Variants in PRRX1 observed in about 807,000 individuals in gnomAD.
PRRX1 encodes paired related homeobox 1.
Under a neutral mutation model 24.0 loss-of-function variants are expected in PRRX1, and 8 were observed. That is an observed-to-expected ratio of 0.33 (90% CI 0.20 to 0.60). The LOEUF is 0.60. Among genes scored for constraint, PRRX1 ranks in the 20% least tolerant of loss-of-function variants. The pLI, the probability that PRRX1 is intolerant of heterozygous loss-of-function variation, is 0.82. For synonymous variants in PRRX1, 160 were observed against 131.7 expected (o/e 1.22, Z -1.47); for missense variants, 281 against 322.4 (o/e 0.87, Z 0.98).
At chr1:170,720,693 T>C (rs1222214949) in intron 2 of PRRX1, among the ~76,000 whole-genome samples, 1 of 152,194 alleles carries the variant, frequency 6.6e-6, no homozygotes, top group Non-Finnish European at 1.5e-5. Context: ...AAATGAATAC[T>C]TATGAACTGA....
intron 1 of PRRX1, among the ~76,000 whole-genome samples, chr1:170,709,614 G>T (rs1218110588): frequency 6.6e-6 from 1 of 151,998 alleles, no homozygotes; most frequent in African/African-American, 2.4e-5. Context: ...CTTGTCAAGT[G>T]CTTTTGACTT....
chr1:170,708,553 A>G (rs1214757998), intron 1 of PRRX1, among the ~76,000 whole-genome samples: 1 of 152,162 alleles, frequency 6.6e-6, no homozygotes, highest in East Asian at 1.9e-4. Flanking sequence ...AGAAAATACA[A>G]CCTCAAGCTA....
intron 2 of PRRX1, among the ~76,000 whole-genome samples, chr1:170,723,478 C>T (rs1327365480): frequency 6.7e-6 from 1 of 149,866 alleles, no homozygotes; most frequent in African/African-American, 2.5e-5. Flanking sequence ...CTCTTTCCAG[C>T]ATTTAGTACT....
intron 3 of PRRX1, 27 bp downstream of exon 3, chr1:170,726,428 C>G: frequency 6.2e-7 from 1 of 1,606,832 alleles, no homozygotes; most frequent in Non-Finnish European, 8.5e-7. Flanking sequence ...CTCTCCCTTG[C>G]TCCACTTCCA....
At chr1:170,734,415 G>A (rs535961452) in intron 3 of PRRX1, among the ~76,000 whole-genome samples, 1 of 152,160 alleles carries the variant, frequency 6.6e-6, no homozygotes, top group African/African-American at 2.4e-5. Flanking sequence ...CAGATGTGGT[G>A]TCTGATCTAT....
intron 1 of PRRX1, among the ~76,000 whole-genome samples, chr1:170,709,815 G>T (rs1571337915): frequency 6.6e-6 from 1 of 152,262 alleles, no homozygotes; most frequent in Admixed American, 6.5e-5. Context: ...CATCCATTTT[G>T]GGATTACCCT....
chr1:170,705,935 T>TACACACACACACACACACACACACACAC (rs71125270), intron 1 of PRRX1, among the ~76,000 whole-genome samples: 3 of 146,422 alleles, frequency 2.0e-5, no homozygotes, highest in South Asian at 4.4e-4. Context: ...CACACACACA[T>TACACACACACACACACACACACACACAC]ACACACACAC....
intron 3 of PRRX1, among the ~76,000 whole-genome samples, chr1:170,735,421 GT>G (rs1343830608): frequency 6.6e-6 from 1 of 152,186 alleles, no homozygotes; most frequent in Non-Finnish European, 1.5e-5. Flanking sequence ...TCTTGAGGAG[GT>G]TTTAAAATCA....
At chr1:170,715,060 T>A (rs972546991) in intron 1 of PRRX1, among the ~76,000 whole-genome samples, 3 of 152,182 alleles carry the variant, frequency 2.0e-5, no homozygotes, top group Admixed American at 6.5e-5. Flanking sequence ...AATGAAAGAA[T>A]AATTCCTACA....
At chr1:170,721,538 A>G (rs1026289926) in intron 2 of PRRX1, among the ~76,000 whole-genome samples, 1 of 152,158 alleles carries the variant, frequency 6.6e-6, no homozygotes, top group Non-Finnish European at 1.5e-5. Flanking sequence ...ACGGGGAAAC[A>G]GGGACCTCAC....
chr1:170,716,938 A>C (rs1034092310), intron 1 of PRRX1, among the ~76,000 whole-genome samples: 1 of 152,102 alleles, frequency 6.6e-6, no homozygotes, highest in African/African-American at 2.4e-5. Context: ...CCTGTTCTGC[A>C]TTCTTGGGGA....
At chr1:170,715,814 T>G (rs949764733) in intron 1 of PRRX1, among the ~76,000 whole-genome samples, 13 of 152,238 alleles carry the variant, frequency 8.5e-5, no homozygotes, top group African/African-American at 3.1e-4. Context: ...TCATCGACCC[T>G]CTTTCTCAGA....
At chr1:170,664,577 T>C (rs941362977) in intron 1 of PRRX1, 118 bp downstream of exon 1, 35 of 1,421,848 alleles carry the variant, frequency 2.5e-5, no homozygotes, top group Admixed American at 2.6e-5. Context: ...CCAGGAGAGG[T>C]GATGGCAGAC....
Position 170,664,455 on chromosome 1 carries a change from G to C in PRRX1, c.237G>C (p.Gln79His), listed in dbSNP as rs200693185. ...GLTSGSDTPQ[Q>H]DNDQLNSEEK... is the part of the protein sequence containing the mutation. ...CCAGCGGCAGCGACACCCCGCAGCA[G>C]GACAGTGAGTGAGGGGCGCATGCCC... is the stretch of plus-strand genomic sequence containing the variant. Residue 79 changes from glutamine (Q) to histidine (H), a missense_variant, in exon 1 of 4, where the codon CAG becomes CAC. Coordinates refer to ENST00000239461, the MANE Select transcript of PRRX1 (RefSeq NM_022716.4). The C allele has an allele frequency of 6.2e-7, 1 of 1,600,940 alleles. No individual in the cohort carries two copies. Among genetic ancestry groups the C allele is most frequent in the Admixed American group, 1.7e-5 (1 of 57,906 alleles).
chr1:170,697,692 ATACAAATATC>A (rs1654215648), intron 1 of PRRX1, among the ~76,000 whole-genome samples: 1 of 148,030 alleles, frequency 6.8e-6, no homozygotes. Context: ...ATATATACAT[ATACAAATATC>A]TATACACATA....
upstream of PRRX1, chr1:170,664,094 T>TCTCTCTCTCTCC (rs1652823175): frequency 9.3e-6 from 9 of 966,194 alleles, 1 homozygote; most frequent in South Asian, 7.3e-5. Flanking sequence ...CCTCCCTCTC[T>TCTCTCTCTCTCC]CTCTCTCTCT....
chr1:170,671,453 C>A, intron 1 of PRRX1, among the ~76,000 whole-genome samples: 1 of 152,368 alleles, frequency 6.6e-6, no homozygotes, highest in East Asian at 1.9e-4. Context: ...GTAGCGACGC[C>A]AGGCGCTGCT....
At chr1:170,729,358 A>T (rs867863485) in intron 3 of PRRX1, among the ~76,000 whole-genome samples, 85 of 152,292 alleles carry the variant, frequency 5.6e-4, no homozygotes, top group African/African-American at 2.0e-3. Flanking sequence ...CAAGCCAGAG[A>T]CAGTGAGCGA....
Position 170,738,747 on chromosome 1 carries a change from A to G in PRRX1, c.*2561A>G. On this transcript the variant is annotated 3_prime_UTR_variant, in exon 4 of 4. Coordinates refer to ENST00000239461, the MANE Select transcript of PRRX1 (RefSeq NM_022716.4). ...TTAGATAGAGGGACATGTGAAACAA[A>G]ATCATTTGAAATTTTGATTCAGACA... The G allele has an allele frequency of 4.4e-6, 1 of 227,768 alleles. No homozygotes were observed. The highest frequency in any genetic ancestry group is 8.7e-6 in the Non-Finnish European group (1 of 114,624). The allele number at this position is 227,768 out of a possible 1,614,324, so 14.1% of individuals were successfully genotyped here.
Sources: gnomAD v4.1 joint callset for allele counts (sites outside exome capture counted in the v4.1 genomes callset) on GRCh38, gnomAD v4.1.1 for gene constraint, MANE v1.5 for transcripts, NCBI Gene and HGNC (gene_info 2026-07-23, HGNC 2026-07-21) for gene names.